Variants in ASIC2 observed in about 807,000 individuals in gnomAD.
ASIC2 encodes acid sensing ion channel subunit 2.
Under a neutral mutation model 57.3 loss-of-function variants are expected in ASIC2, and 25 were observed. The observed-to-expected ratio is 0.44, with a 90% confidence interval of 0.32 to 0.61. ASIC2 has a LOEUF of 0.61. Ranked by LOEUF, ASIC2 falls within the 20% of genes least tolerant of loss-of-function variation. ASIC2 has a pLI of 0.06. For missense variants in ASIC2, 641 were observed against 738.1 expected, an observed-to-expected ratio of 0.87 and a Z score of 1.52; for synonymous variants, 319 against 307.5, an observed-to-expected ratio of 1.04 and a Z score of -0.39.
chr17:33,451,458 T>C (rs1912246234), intron 1 of ASIC2, among the ~76,000 whole-genome samples: 1 of 152,110 alleles, frequency 6.6e-6, no homozygotes, highest in Admixed American at 6.5e-5. Flanking sequence ...CTCCCTGAAA[T>C]CCTCTTTTCC....
intron 1 of ASIC2, among the ~76,000 whole-genome samples, chr17:33,441,100 C>T (rs1274717099): frequency 6.6e-6 from 1 of 152,080 alleles, no homozygotes; most frequent in Admixed American, 6.6e-5. Context: ...TCCCAAGTAG[C>T]TGGGACTACA....
chr17:33,145,569 A>C (rs182938851), intron 1 of ASIC2, among the ~76,000 whole-genome samples: 21 of 152,180 alleles, frequency 1.4e-4, no homozygotes, highest in Admixed American at 6.5e-5. Context: ...CATGCATAAG[A>C]TATTTCCAAC....
intron 1 of ASIC2, among the ~76,000 whole-genome samples, chr17:33,736,456 A>G (rs1466364387): frequency 2.0e-5 from 3 of 152,202 alleles, no homozygotes; most frequent in Non-Finnish European, 4.4e-5. Context: ...TGCTGAAGGC[A>G]AGACAGCCCC....
At chr17:33,559,365 A>G (rs12452350) in intron 1 of ASIC2, among the ~76,000 whole-genome samples, 29,474 of 152,102 alleles carry the variant, frequency 0.19, 2,929 homozygotes, top group South Asian at 0.33. Flanking sequence ...TCAAAATCTG[A>G]TTCCTGCTTC....
intron 3 of ASIC2, among the ~76,000 whole-genome samples, chr17:33,059,530 A>G (rs1335863333): frequency 6.6e-5 from 10 of 152,128 alleles, no homozygotes; most frequent in Non-Finnish European, 1.3e-4. Context: ...TGGTGTATAT[A>G]TGCCACATTT....
intron 1 of ASIC2, among the ~76,000 whole-genome samples, chr17:34,108,515 C>T (rs1911148250): frequency 6.6e-6 from 1 of 152,106 alleles, no homozygotes; most frequent in Non-Finnish European, 1.5e-5. Context: ...AGATTTCAAA[C>T]TTTTGAAGTT....
rs114797312 is a variant in ASIC2 at position 33,040,271 on chromosome 17, G to T, written c.988-11879C>A. ...AAGAGACACACTCCAATGACCTATG[G>T]TTCCAATGAAGTCTCCTCTCTGGGA... is the stretch of plus-strand genomic sequence containing the variant. On this transcript the variant is annotated intron_variant, in intron 3 of 9. Transcript: ENST00000225823. Among the ~76,000 whole-genome samples the T allele has an allele frequency of 1.9e-3, 295 of 152,328 alleles. 1 individual carries two copies. The highest frequency in any genetic ancestry group is 6.8e-3 in the African/African-American group (282 of 41,584).
At chr17:33,628,520 C>T (rs917058044) in intron 1 of ASIC2, among the ~76,000 whole-genome samples, 4 of 151,836 alleles carry the variant, frequency 2.6e-5, no homozygotes, top group Non-Finnish European at 4.4e-5. Flanking sequence ...TGGTCTTGAA[C>T]TCTTGGCCTC....
At chr17:33,718,802 C>T (rs1239752817) in intron 1 of ASIC2, among the ~76,000 whole-genome samples, 1 of 152,178 alleles carries the variant, frequency 6.6e-6, no homozygotes, top group Non-Finnish European at 1.5e-5. Flanking sequence ...CCTCTCTTTT[C>T]CTGCCTTGTG....
At chr17:33,939,482 A>G (rs1040060542) in intron 1 of ASIC2, among the ~76,000 whole-genome samples, 2 of 152,244 alleles carry the variant, frequency 1.3e-5, no homozygotes, top group Non-Finnish European at 2.9e-5. Flanking sequence ...ATGTCAGCTG[A>G]GAAAGCCTGG....
chr17:33,708,109 A>G (rs965894384), intron 1 of ASIC2, among the ~76,000 whole-genome samples: 8 of 152,190 alleles, frequency 5.3e-5, no homozygotes, highest in East Asian at 1.9e-4. Flanking sequence ...TGGTTGCCTA[A>G]GGTAAAGAAG....
intron 1 of ASIC2, among the ~76,000 whole-genome samples, chr17:34,054,557 T>C (rs564020132): frequency 6.6e-6 from 1 of 152,172 alleles, no homozygotes; most frequent in East Asian, 1.9e-4. Context: ...TAGTCTCCCA[T>C]AGTTCCAATT....
intron 1 of ASIC2, among the ~76,000 whole-genome samples, chr17:33,398,607 G>A (rs1341330516): frequency 6.6e-6 from 1 of 151,966 alleles, no homozygotes. Flanking sequence ...GATGATGATG[G>A]TGATTATGGT....
chr17:34,027,013 C>T (rs1291817686), intron 1 of ASIC2, among the ~76,000 whole-genome samples: 1 of 152,122 alleles, frequency 6.6e-6, no homozygotes, highest in Non-Finnish European at 1.5e-5. Context: ...AGGAATGTGG[C>T]AATCCACACC....
chr17:33,272,052 A>T lies in ASIC2; in HGVS notation c.708+19356T>A, dbSNP rs35048780. ...ACTTGGCACTGTATCTCTTCTGCCC[A>T]GAGCACCTTGCCTCTAGGTCTTCCC... On this transcript the variant is annotated intron_variant, in intron 1 of 9. Coordinates refer to ENST00000225823, the MANE Select transcript of ASIC2 (RefSeq NM_183377.2). 4.3e-5 allele frequency among the ~76,000 whole-genome samples: 3 copies of T among 69,002 alleles called. No homozygotes were observed. In the East Asian group the frequency reaches 1.6e-3, roughly 36 times the overall value. 45.3% of individuals were successfully genotyped at this position (69,002 alleles called of 152,430 possible).
In ASIC2 at chr17:33,317,287, A is replaced by T. The variant is rs149693202; in HGVS notation, c.556-205220T>A. Among the ~76,000 whole-genome samples the T allele has an allele frequency of 2.3e-4, 35 of 152,332 alleles. 1 individual carries two copies. In the East Asian group the frequency reaches 6.6e-3, roughly 29 times the overall value. On this transcript the variant is annotated intron_variant, in intron 1 of 9. Transcript: ENST00000359872. The stretch of plus-strand genomic sequence containing the variant: ...TGCTGTGAGCAGTTCCTCCTGCTGC[A>T]ATCAAGGGTTCATGTGAGCTCTGAG...
At chr17:34,060,982 C>T (rs1405689455) in intron 1 of ASIC2, among the ~76,000 whole-genome samples, 2 of 152,228 alleles carry the variant, frequency 1.3e-5, no homozygotes, top group East Asian at 3.9e-4. Context: ...CACCCAAATA[C>T]AAGAATAACA....
At chr17:33,421,887 C>A (rs911827474) in intron 1 of ASIC2, among the ~76,000 whole-genome samples, 3 of 152,212 alleles carry the variant, frequency 2.0e-5, no homozygotes, top group Non-Finnish European at 2.9e-5. Flanking sequence ...GGGTCCCTGA[C>A]TCCTACCTCC....
At chr17:33,029,873 G>A (rs1005333109) in intron 3 of ASIC2, among the ~76,000 whole-genome samples, 1 of 152,134 alleles carries the variant, frequency 6.6e-6, no homozygotes, top group Non-Finnish European at 1.5e-5. Flanking sequence ...GTTCCCTGAC[G>A]GATGATTTTG....
Sources: gnomAD v4.1 joint callset for allele counts (sites outside exome capture counted in the v4.1 genomes callset) on GRCh38, gnomAD v4.1.1 for gene constraint, MANE v1.5 for transcripts, NCBI Gene and HGNC (gene_info 2026-07-23, HGNC 2026-07-21) for gene names.